Variants in CSMD2 observed in about 807,000 individuals in gnomAD.
The protein encoded by CSMD2 is CUB and sushi domain-containing protein 2.
CSMD2 carries 130 observed loss-of-function variants against 398.5 expected under a neutral mutation model. The ratio of observed to expected loss-of-function variants is 0.33; its 90% CI spans 0.28 to 0.38. CSMD2 has a LOEUF of 0.38. Ranked by LOEUF, CSMD2 falls within the 10% of genes least tolerant of loss-of-function variation. The pLI, the probability that CSMD2 is intolerant of heterozygous loss-of-function variation, is 1.00. For synonymous variants in CSMD2, 1,828 were observed against 1,908.5 expected (o/e 0.96, Z 1.10); for missense variants, 3,829 against 4,764.9 (o/e 0.80, Z 5.78).
chr1:34,039,301 C>G (rs1395974408), intron 2 of CSMD2, among the ~76,000 whole-genome samples: 8 of 152,184 alleles, frequency 5.3e-5, no homozygotes, highest in African/African-American at 1.4e-4. Flanking sequence ...GCCTGTGTAC[C>G]TTTTGCTGAA....
rs77684362 is a variant in CSMD2 at position 33,838,169 on chromosome 1, C to T, written c.1033+8715G>A. Among the ~76,000 whole-genome samples, 1,061 of 152,318 alleles carry T rather than the reference C, an allele frequency of 7.0e-3. 13 individuals carry two copies. Among genetic ancestry groups the T allele is most frequent in the African/African-American group, 0.024 (1,001 of 41,572 alleles). On this transcript the variant is annotated intron_variant, in intron 6 of 70. Transcript: ENST00000373381. The stretch of plus-strand genomic sequence containing the variant: ...AGCCCCTCCAATAAACTAGATCATT[C>T]CCCTTGCCCTGCCACTTGCCAGTCT...
At chr1:33,686,596 G>A (rs1326872490) in intron 25 of CSMD2, among the ~76,000 whole-genome samples, 1 of 152,226 alleles carries the variant, frequency 6.6e-6, no homozygotes, top group Non-Finnish European at 1.5e-5. Context: ...GATTCCTGCA[G>A]CCAACTACTT....
intron 3 of CSMD2, among the ~76,000 whole-genome samples, chr1:34,014,669 C>A (rs1422461672): frequency 2.0e-5 from 3 of 152,386 alleles, no homozygotes; most frequent in Non-Finnish European, 2.9e-5. Flanking sequence ...GTCTCCTCCA[C>A]TAGACCATGA....
rs77912907 is a variant in CSMD2, at chr1:34,119,081, A to C, written c.188-29888T>G. Among the ~76,000 whole-genome samples, 816 of 152,358 alleles carry C rather than the reference A, an allele frequency of 5.4e-3. 6 individuals carry two copies. The highest frequency in any genetic ancestry group is 9.7e-3 in the Non-Finnish European group (657 of 68,020). ...GTATAGCATTGGACTAAAGAAAGACAAATAGACCAGTGAAACAGAATAGAA... is the reference window on the plus strand; with the variant it reads ...GTATAGCATTGGACTAAAGAAAGACCAATAGACCAGTGAAACAGAATAGAA... On this transcript the variant is annotated intron_variant, in intron 1 of 70. Transcript: ENST00000373381.
chr1:33,708,591 C>CTTATTATTATTATTA (rs59695412), intron 22 of CSMD2, among the ~76,000 whole-genome samples: 12,037 of 140,900 alleles, frequency 0.085, 780 homozygotes, highest in African/African-American at 0.17. Context: ...TCCAACCGAA[C>CTTATTATTATTATTA]TTATTATTAT....
intron 44 of CSMD2, 62 bp downstream of exon 44, chr1:33,600,803 G>A (rs1640160519): frequency 1.3e-6 from 2 of 1,575,198 alleles, no homozygotes; most frequent in Non-Finnish European, 1.7e-6. Context: ...GGAGACGGGA[G>A]TCAAGCTCAG....
At chr1:33,542,311 C>T (rs1370351584) in intron 58 of CSMD2, among the ~76,000 whole-genome samples, 2 of 152,200 alleles carry the variant, frequency 1.3e-5, no homozygotes, top group African/African-American at 4.8e-5. Flanking sequence ...TGGCAGATAG[C>T]TGCATCTTTG....
chr1:33,922,618 T>C (rs1347515233), intron 4 of CSMD2, among the ~76,000 whole-genome samples: 1 of 152,112 alleles, frequency 6.6e-6, no homozygotes, highest in Non-Finnish European at 1.5e-5. Context: ...TCTCATCCTT[T>C]CCTCCCAGAA....
intron 5 of CSMD2, chr1:33,864,405 C>A: frequency 4.3e-6 from 7 of 1,613,354 alleles, no homozygotes; most frequent in Non-Finnish European, 5.9e-6. Flanking sequence ...AGCCCGATAC[C>A]AGGAAGAAAT....
At chr1:34,033,205 A>C (rs1209347007) in intron 2 of CSMD2, among the ~76,000 whole-genome samples, 1 of 152,238 alleles carries the variant, frequency 6.6e-6, no homozygotes, top group Non-Finnish European at 1.5e-5. Flanking sequence ...TTTTTAAAGA[A>C]AGCAAAAAAT....
chr1:33,998,066 C>T (rs1409700864), intron 3 of CSMD2, among the ~76,000 whole-genome samples: 5 of 152,034 alleles, frequency 3.3e-5, no homozygotes, highest in African/African-American at 4.8e-5. Flanking sequence ...CTTCAAAAGG[C>T]GATTAGGTCA....
chr1:33,571,489 AG>A (rs780087191), intron 51 of CSMD2, 42 bp downstream of exon 51: 3 of 1,369,944 alleles, frequency 2.2e-6, no homozygotes, highest in South Asian at 2.2e-5. Context: ...CTTAGGTAGG[AG>A]GGACCCTGCT....
At chr1:34,122,599 T>C (rs1662307815) in intron 1 of CSMD2, among the ~76,000 whole-genome samples, 1 of 152,154 alleles carries the variant, frequency 6.6e-6, no homozygotes, top group Admixed American at 6.5e-5. Flanking sequence ...TATAAAGGTC[T>C]ACCTATTTCC....
intron 13 of CSMD2, among the ~76,000 whole-genome samples, chr1:33,768,905 A>T (rs548943642): frequency 2.0e-5 from 3 of 152,318 alleles, no homozygotes; most frequent in African/African-American, 7.2e-5. Flanking sequence ...AGCAATTAGG[A>T]TTCACATCTT....
intron 22 of CSMD2, among the ~76,000 whole-genome samples, chr1:33,704,308 T>C (rs1215365719): frequency 6.6e-6 from 1 of 152,174 alleles, no homozygotes; most frequent in Non-Finnish European, 1.5e-5. Context: ...TTCCTTTTTT[T>C]CTTTTTCTGG....
At chr1:34,147,038 A>T (rs1359665433) in intron 1 of CSMD2, among the ~76,000 whole-genome samples, 1 of 152,194 alleles carries the variant, frequency 6.6e-6, no homozygotes, top group African/African-American at 2.4e-5. Flanking sequence ...CGGGCGGATC[A>T]TGAGATCAAG....
At chr1:34,006,467 T>C (rs1191728636) in intron 3 of CSMD2, among the ~76,000 whole-genome samples, 1 of 152,140 alleles carries the variant, frequency 6.6e-6, no homozygotes, top group East Asian at 1.9e-4. Context: ...TCCACACTGT[T>C]TCCAGAGGAA....
At chr1:33,962,005 T>C (rs1645378553) in intron 3 of CSMD2, among the ~76,000 whole-genome samples, 1 of 152,204 alleles carries the variant, frequency 6.6e-6, no homozygotes, top group Non-Finnish European at 1.5e-5. Context: ...AGATAGATCA[T>C]GTGAAAAACA....
chr1:33,896,538 C>T (rs1409140346), intron 5 of CSMD2, among the ~76,000 whole-genome samples: 3 of 152,150 alleles, frequency 2.0e-5, no homozygotes, highest in Non-Finnish European at 4.4e-5. Flanking sequence ...GTGACTTTGG[C>T]AAGTCACATG....
Sources: allele counts gnomAD v4.1 joint callset (sites outside exome capture counted in the v4.1 genomes callset), GRCh38; gene constraint gnomAD v4.1.1; transcripts MANE v1.5; gene names NCBI Gene and HGNC (gene_info 2026-07-23, HGNC 2026-07-21).